LOC128462377: variants seen among roughly 807,000 people sequenced by gnomAD.
At chr16:89,334,736 CCA>C in the LOC128462377 span, among the ~76,000 whole-genome samples, 1 of 152,168 alleles carries the variant, frequency 6.6e-6, no homozygotes, top group African/African-American at 2.4e-5. Flanking sequence ...CCACGTCATA[CCA>C]CACTCACTTG....
the LOC128462377 span, among the ~76,000 whole-genome samples, chr16:89,328,291 C>T: frequency 6.6e-6 from 1 of 152,208 alleles, no homozygotes; most frequent in African/African-American, 2.4e-5. Context: ...GCAAGGCAGC[C>T]TTACGAACCT....
the LOC128462377 span, among the ~76,000 whole-genome samples, chr16:89,390,223 G>A: frequency 0.053 from 1,930 of 36,434 alleles, no homozygotes; most frequent in African/African-American, 0.094. Context: ...AGTGTGGCGG[G>A]GAGCACCGAG....
chr16:89,363,252 C>G, the LOC128462377 span, among the ~76,000 whole-genome samples: 1 of 152,130 alleles, frequency 6.6e-6, no homozygotes, highest in Non-Finnish European at 1.5e-5. Flanking sequence ...TTCCTATACT[C>G]TGCCTTCTGA....
the LOC128462377 span, among the ~76,000 whole-genome samples, chr16:89,377,678 C>G: frequency 6.6e-6 from 1 of 152,132 alleles, no homozygotes; most frequent in Non-Finnish European, 1.5e-5. Flanking sequence ...GGGGTTCCCA[C>G]GACTCCCACC....
chr16:89,403,557 AAAAAGTACACCACC>A, the LOC128462377 span: 1 of 152,254 alleles, frequency 6.6e-6, no homozygotes, highest in African/African-American at 2.4e-5. Context: ...GCTTAAAAAA[AAAAAGTACACCACC>A]AAACAGACAA....
At chr16:89,404,370 GA>G in the LOC128462377 span, among the ~76,000 whole-genome samples, 1 of 152,118 alleles carries the variant, frequency 6.6e-6, no homozygotes. Flanking sequence ...CAAAGGGCAT[GA>G]AAAAAATTGC....
chr16:89,365,263 C>A, the LOC128462377 span, among the ~76,000 whole-genome samples: 1 of 152,170 alleles, frequency 6.6e-6, no homozygotes, highest in Non-Finnish European at 1.5e-5. Flanking sequence ...TCTTTCAATC[C>A]CAGGCCATCT....
the LOC128462377 span, chr16:89,360,703 G>A: frequency 2.0e-5 from 3 of 152,182 alleles, no homozygotes; most frequent in African/African-American, 7.2e-5. Flanking sequence ...GTCATACGTG[G>A]ACTCCCTTTC....
chr16:89,348,662 A>G, the LOC128462377 span, among the ~76,000 whole-genome samples: 1 of 152,200 alleles, frequency 6.6e-6, no homozygotes, highest in Non-Finnish European at 1.5e-5. Flanking sequence ...TTTCTTCTTC[A>G]GTAAGCTGAA....
the LOC128462377 span, among the ~76,000 whole-genome samples, chr16:89,374,438 G>A: frequency 2.0e-5 from 3 of 152,142 alleles, no homozygotes; most frequent in African/African-American, 7.2e-5. Flanking sequence ...AACAGGAACT[G>A]TACATCCAGA....
chr16:89,365,660 G>A, the LOC128462377 span, among the ~76,000 whole-genome samples: 2 of 152,128 alleles, frequency 1.3e-5, no homozygotes, highest in African/African-American at 4.8e-5. Flanking sequence ...GCCTTTTACC[G>A]CAATTCTTCC....
At chr16:89,379,931 A>G in the LOC128462377 span, among the ~76,000 whole-genome samples, 3 of 152,322 alleles carry the variant, frequency 2.0e-5, no homozygotes, top group Middle Eastern at 3.4e-3. Flanking sequence ...CAGTTTTCCA[A>G]TCATCATTTC....
the LOC128462377 span, among the ~76,000 whole-genome samples, chr16:89,325,295 G>A: frequency 3.3e-5 from 5 of 151,952 alleles, no homozygotes; most frequent in Non-Finnish European, 7.4e-5. Flanking sequence ...AAAATTAGCC[G>A]GGCACTGTGG....
the LOC128462377 span, among the ~76,000 whole-genome samples, chr16:89,361,222 C>G: frequency 6.6e-6 from 1 of 152,238 alleles, no homozygotes; most frequent in Non-Finnish European, 1.5e-5. Flanking sequence ...ACCCCAGCAG[C>G]ACATCCCCCT....
chr16:89,364,067 AAC>A, the LOC128462377 span, among the ~76,000 whole-genome samples: 3,167 of 150,506 alleles, frequency 0.021, 126 homozygotes, highest in African/African-American at 0.074. Context: ...GCTGATTTAA[AAC>A]ACACACACAC....
chr16:89,350,878 A>G, the LOC128462377 span, among the ~76,000 whole-genome samples: 1 of 152,180 alleles, frequency 6.6e-6, no homozygotes, highest in Non-Finnish European at 1.5e-5. Context: ...CCCATGGCAT[A>G]AACACCTACC....
chr16:89,317,221 A>G, the LOC128462377 span: 2 of 684,684 alleles, frequency 2.9e-6, no homozygotes, highest in Non-Finnish European at 5.2e-6. Flanking sequence ...CAGGCCCAGG[A>G]AGGGACTTCT....
At chr16:89,406,265 G>C in the LOC128462377 span, among the ~76,000 whole-genome samples, 1 of 152,148 alleles carries the variant, frequency 6.6e-6, no homozygotes, top group Non-Finnish European at 1.5e-5. Context: ...ACACGTGCTG[G>C]TCTCCAGGAC....
the LOC128462377 span, among the ~76,000 whole-genome samples, chr16:89,386,648 C>A: frequency 6.6e-6 from 1 of 152,350 alleles, no homozygotes; most frequent in African/African-American, 2.4e-5. Flanking sequence ...AATCTCTTCT[C>A]GTCCAGGAAA....
Sources: allele counts gnomAD v4.1 joint callset (sites outside exome capture counted in the v4.1 genomes callset), GRCh38; gene constraint gnomAD v4.1.1; transcripts MANE v1.5.